Variants in RLIG1 observed in about 807,000 individuals in gnomAD.
RLIG1 encodes the protein RNA 5'-phosphate and 3'-OH ligase 1.
At chr12:88,035,672 G>A in the RLIG1 span, 2 of 1,608,368 alleles carry the variant, frequency 1.2e-6, no homozygotes, top group Middle Eastern at 3.3e-4. Flanking sequence ...GCTCCGTGCA[G>A]CGGAAAATGC....
the RLIG1 span, chr12:88,045,505 A>T: frequency 9.3e-7 from 1 of 1,073,026 alleles, no homozygotes; most frequent in African/African-American, 1.6e-5. Flanking sequence ...AATTTACAAC[A>T]AAAATATAAA....
At chr12:88,035,810 C>T in the RLIG1 span, 6 of 1,546,590 alleles carry the variant, frequency 3.9e-6, no homozygotes, top group African/African-American at 2.7e-5. Context: ...CAGTGCGAAC[C>T]CGGCGAGGGC....
At chr12:88,040,137 CTTTT>C in the RLIG1 span, 1 of 1,527,220 alleles carries the variant, frequency 6.5e-7, no homozygotes, top group Non-Finnish European at 9.1e-7. Flanking sequence ...TTCTCTCTCT[CTTTT>C]TTTAAGCCAT....
chr12:88,045,794 T>C, the RLIG1 span: 7 of 1,599,422 alleles, frequency 4.4e-6, no homozygotes, highest in African/African-American at 1.3e-5. Flanking sequence ...GTGAAGACTT[T>C]TTCTTGTTCA....
chr12:88,047,842 C>CA, the RLIG1 span, among the ~76,000 whole-genome samples: 1 of 152,072 alleles, frequency 6.6e-6, no homozygotes, highest in Non-Finnish European at 1.5e-5. Context: ...GCAATTAGAG[C>CA]AAAAAACTCC....
At chr12:88,043,346 T>G in the RLIG1 span, among the ~76,000 whole-genome samples, 1 of 152,202 alleles carries the variant, frequency 6.6e-6, no homozygotes, top group Non-Finnish European at 1.5e-5. Flanking sequence ...ATAAATCTAA[T>G]ACTTAATGGA....
chr12:88,048,386 A>ATTTG, the RLIG1 span: 14 of 1,555,428 alleles, frequency 9.0e-6, no homozygotes, highest in East Asian at 2.3e-4. Context: ...ATAATCAGAA[A>ATTTG]TTTGTTAGAC....
the RLIG1 span, chr12:88,040,405 T>C: frequency 1.4e-5 from 7 of 516,298 alleles, no homozygotes; most frequent in Non-Finnish European, 2.4e-5. Context: ...GTCACAATTG[T>C]TATAGTTCAC....
chr12:88,036,212 C>A, the RLIG1 span: 1 of 494,568 alleles, frequency 2.0e-6, no homozygotes, highest in Non-Finnish European at 3.3e-6. Context: ...GAAGTTCACA[C>A]CTCATATTAC....
chr12:88,043,641 A>C, the RLIG1 span: 1 of 1,612,822 alleles, frequency 6.2e-7, no homozygotes, highest in East Asian at 2.2e-5. Context: ...CCAGCTCCGG[A>C]GTGCTGGATA....
the RLIG1 span, chr12:88,048,113 A>AAAAAC: frequency 3.2e-6 from 2 of 615,672 alleles, no homozygotes; most frequent in Non-Finnish European, 4.9e-6. Context: ...TATAAAAAAA[A>AAAAAC]AAACAGTAAG....
the RLIG1 span, chr12:88,043,824 A>G: frequency 2.6e-5 from 19 of 729,700 alleles, no homozygotes; most frequent in African/African-American, 1.4e-4. Context: ...ATTAATATGT[A>G]TAGCACAGAA....
the RLIG1 span, among the ~76,000 whole-genome samples, chr12:88,043,399 G>T: frequency 6.6e-6 from 1 of 151,940 alleles, no homozygotes; most frequent in African/African-American, 2.4e-5. Context: ...GTATACAAAT[G>T]GCGTATATGA....
chr12:88,043,286 G>A, the RLIG1 span, among the ~76,000 whole-genome samples: 2 of 152,000 alleles, frequency 1.3e-5, no homozygotes, highest in Admixed American at 1.3e-4. Flanking sequence ...GTATATCTAT[G>A]CATTCATGTA....
chr12:88,046,741 G>A, the RLIG1 span: 1 of 1,390,474 alleles, frequency 7.2e-7, no homozygotes, highest in Non-Finnish European at 9.8e-7. Flanking sequence ...TATTTGAAGA[G>A]GTACGTTTTC....
the RLIG1 span, chr12:88,046,895 T>A: frequency 1.2e-6 from 2 of 1,612,898 alleles, no homozygotes; most frequent in South Asian, 2.2e-5. Flanking sequence ...AGCACAATGA[T>A]CTCGTGTCCT....
chr12:88,043,363 T>C, the RLIG1 span, among the ~76,000 whole-genome samples: 2 of 151,888 alleles, frequency 1.3e-5, no homozygotes, highest in Non-Finnish European at 2.9e-5. Flanking sequence ...TGGAATATGA[T>C]TACTTTAGTT....
At chr12:88,047,673 C>T in the RLIG1 span, among the ~76,000 whole-genome samples, 6 of 152,134 alleles carry the variant, frequency 3.9e-5, no homozygotes, top group African/African-American at 1.4e-4. Flanking sequence ...CCTCTCCATT[C>T]TTCACAAATG....
the RLIG1 span, chr12:88,042,828 A>G: frequency 6.7e-7 from 1 of 1,484,994 alleles, no homozygotes; most frequent in Non-Finnish European, 8.9e-7. Flanking sequence ...TTTTTAGATC[A>G]GCCATACCTT....
Sources: gnomAD v4.1 joint callset for allele counts (sites outside exome capture counted in the v4.1 genomes callset) on GRCh38, gnomAD v4.1.1 for gene constraint, MANE v1.5 for transcripts, NCBI Gene and HGNC (gene_info 2026-07-23, HGNC 2026-07-21) for gene names.